The following EXTL3 variants were observed in gnomAD, a reference collection of about 807,000 sequenced individuals.
The protein encoded by EXTL3 is exostosin-like 3.
EXTL3 carries 27 observed loss-of-function variants against 69.3 expected under a neutral mutation model. The observed-to-expected ratio is 0.39, with a 90% confidence interval of 0.29 to 0.54. EXTL3 has a LOEUF of 0.54. EXTL3 is among the 20% of genes least tolerant of loss of function. EXTL3 has a pLI of 0.69. For synonymous variants in EXTL3, 511 were observed against 499.4 expected (o/e 1.02, Z -0.31); for missense variants, 1,003 against 1,231.8 (o/e 0.81, Z 2.78).
At chr8:28,616,702 T>A (rs1302668728) in intron 2 of EXTL3, among the ~76,000 whole-genome samples, 2 of 151,450 alleles carry the variant, frequency 1.3e-5, no homozygotes, top group Non-Finnish European at 2.9e-5. Flanking sequence ...TGCTTAAGAG[T>A]TTTCCTCTCT....
chr8:28,749,693 A>G (rs1051017253), intron 6 of EXTL3, among the ~76,000 whole-genome samples: 2 of 152,030 alleles, frequency 1.3e-5, no homozygotes, highest in African/African-American at 4.8e-5. Context: ...GCATGCATGT[A>G]TGTATGTGAG....
At position 28,753,874 on chromosome 8, in the gene EXTL3, G is replaced by T. The variant is rs956426471; in HGVS notation, c.*3008G>T. On this transcript the variant is annotated 3_prime_UTR_variant, in exon 7 of 7. Coordinates refer to ENST00000220562, the MANE Select transcript of EXTL3 (RefSeq NM_001440.4). Reference sequence around the variant, plus strand: ...GCTGTGGACCAGAGATGGGTGAACAGACTCACACTCACATGGGCAGCCTTG... The same window carrying T: ...GCTGTGGACCAGAGATGGGTGAACATACTCACACTCACATGGGCAGCCTTG... The T allele has an allele frequency of 1.1e-4, 16 of 152,262 alleles. No individual in the cohort carries two copies. Among genetic ancestry groups the T allele is most frequent in the African/African-American group, 3.6e-4 (15 of 41,458 alleles). The allele number at this position is 152,262 out of a possible 1,614,324, so 9.4% of individuals were successfully genotyped here. A position where few individuals can be genotyped will look rare whatever the true frequency, so the allele number is the denominator to read the frequency against.
In EXTL3 at chr8:28,750,104, T is replaced by A. The variant is rs1389949830; in HGVS notation, c.2551-553T>A. ...GGCCTGCCACATTGTAATGAAGCTG[T>A]CCCTCTTCATACTTTTTTAGTTAGA... On this transcript the variant is annotated intron_variant, in intron 6 of 6. Coordinates refer to ENST00000220562, the MANE Select transcript of EXTL3 (RefSeq NM_001440.4). This position sits in a 1 kb window ranked among gnomAD's most constrained non-coding sequence, Gnocchi z 5.2. Among the ~76,000 whole-genome samples, 3 of 152,234 alleles carry A rather than the reference T, an allele frequency of 2.0e-5. No homozygotes were observed. The highest frequency in any genetic ancestry group is 7.2e-5 in the African/African-American group (3 of 41,460).
intron 1 of EXTL3, among the ~76,000 whole-genome samples, chr8:28,691,696 G>A (rs961075816): frequency 9.9e-5 from 15 of 151,716 alleles, no homozygotes; most frequent in African/African-American, 3.6e-4. Flanking sequence ...TCGGGAGTTC[G>A]AGACCAGCCT....
chr8:28,675,964 G>C (rs1807374899), intron 1 of EXTL3, among the ~76,000 whole-genome samples: 1 of 146,976 alleles, frequency 6.8e-6, no homozygotes, highest in Admixed American at 6.9e-5. Flanking sequence ...GGAGGTTGCA[G>C]TGAGCCAAGA....
At chr8:28,672,622 C>T (rs1215809070) in intron 1 of EXTL3, among the ~76,000 whole-genome samples, 1 of 152,010 alleles carries the variant, frequency 6.6e-6, no homozygotes, top group Non-Finnish European at 1.5e-5. Context: ...CATCCAAAAC[C>T]GACTAAATCA....
intron 1 of EXTL3, among the ~76,000 whole-genome samples, chr8:28,712,866 C>G (rs1801059490): frequency 1.3e-5 from 2 of 152,170 alleles, no homozygotes; most frequent in Non-Finnish European, 2.9e-5. Flanking sequence ...TAGTCAGTCT[C>G]CAAATGACTT....
chr8:28,718,656 T>G (rs1332881521), intron 3 of EXTL3, among the ~76,000 whole-genome samples: 1 of 152,180 alleles, frequency 6.6e-6, no homozygotes, highest in African/African-American at 2.4e-5. Flanking sequence ...AAGATCATGG[T>G]GAGTAATGGA....
chr8:28,690,356 G>A (rs1800595020), intron 1 of EXTL3, among the ~76,000 whole-genome samples: 1 of 151,984 alleles, frequency 6.6e-6, no homozygotes, highest in African/African-American at 2.4e-5. Flanking sequence ...GGGATTATAA[G>A]CACATGGCAC....
chr8:28,659,661 G>A (rs956487004), intron 1 of EXTL3, among the ~76,000 whole-genome samples: 1 of 152,182 alleles, frequency 6.6e-6, no homozygotes, highest in South Asian at 2.1e-4. Context: ...ACATCAGCAA[G>A]TCTAATTGCT....
At chr8:28,608,538 C>T (rs1044892647) in intron 2 of EXTL3, among the ~76,000 whole-genome samples, 2 of 152,046 alleles carry the variant, frequency 1.3e-5, no homozygotes, top group African/African-American at 4.8e-5. Flanking sequence ...ATAGAACTTC[C>T]CTTCCTGTAG....
At chr8:28,607,850 C>A (rs7821307) in intron 2 of EXTL3, 62,891 of 151,940 alleles carry the variant, frequency 0.41, 13,728 homozygotes, top group African/African-American at 0.55. Context: ...CGGTGGCTCA[C>A]GCCTGTAATC....
chr8:28,667,976 A>G (rs895019842), intron 1 of EXTL3, among the ~76,000 whole-genome samples: 10 of 152,160 alleles, frequency 6.6e-5, no homozygotes, highest in Non-Finnish European at 1.3e-4. Context: ...GTTCAAAAGC[A>G]GCCTGGGCAA....
intron 2 of EXTL3, among the ~76,000 whole-genome samples, chr8:28,609,724 A>C (rs908809677): frequency 1.3e-5 from 2 of 151,942 alleles, no homozygotes; most frequent in African/African-American, 2.4e-5. Flanking sequence ...CCCCATCTCT[A>C]CAAAAATTTT....
chr8:28,621,293 A>G (rs953618795), upstream of EXTL3, among the ~76,000 whole-genome samples: 1 of 152,194 alleles, frequency 6.6e-6, no homozygotes. Flanking sequence ...TGGTGTTCTT[A>G]TAAAAGGGGG....
chr8:28,664,972 T>C (rs946840801), intron 1 of EXTL3, among the ~76,000 whole-genome samples: 4 of 152,090 alleles, frequency 2.6e-5, no homozygotes, highest in Non-Finnish European at 4.4e-5. Flanking sequence ...GAAAGGAATA[T>C]TGGACTACCT....
At chr8:28,634,988 C>T (rs1276563116) in intron 1 of EXTL3, among the ~76,000 whole-genome samples, 4 of 151,984 alleles carry the variant, frequency 2.6e-5, no homozygotes, top group Admixed American at 1.3e-4. Flanking sequence ...TTCCTGTTAG[C>T]GATGACGTTG....
chr8:28,679,395 A>C (rs1480657482), intron 1 of EXTL3, among the ~76,000 whole-genome samples: 2 of 152,098 alleles, frequency 1.3e-5, no homozygotes, highest in African/African-American at 4.8e-5. Context: ...ACAGTGAACC[A>C]AGATCGTGCC....
chr8:28,621,753 C>G (rs1585217567), upstream of EXTL3, among the ~76,000 whole-genome samples: 1 of 152,156 alleles, frequency 6.6e-6, no homozygotes, highest in African/African-American at 2.4e-5. Flanking sequence ...AATAAAGAAC[C>G]TTAAGACGCA....
Sources: gnomAD v4.1 joint callset for allele counts (sites outside exome capture counted in the v4.1 genomes callset) on GRCh38, gnomAD v4.1.1 for gene constraint, Gnocchi (gnomAD v3.1) non-coding constraint, MANE v1.5 for transcripts, NCBI Gene and HGNC (gene_info 2026-07-23, HGNC 2026-07-21) for gene names.